CRYBG1: variants seen among roughly 807,000 people sequenced by gnomAD.
The protein encoded by CRYBG1 is crystallin beta-gamma domain containing 1, also known as beta/gamma crystallin domain-containing protein 1.
CRYBG1 carries 139 observed loss-of-function variants against 189.2 expected under a neutral mutation model. That is an observed-to-expected ratio of 0.73 (90% CI 0.64 to 0.85). CRYBG1 has a LOEUF of 0.85. Ranked by LOEUF, CRYBG1 falls within the 40% of genes least tolerant of loss-of-function variation. The pLI is 0.00. For missense variants in CRYBG1, 2,611 were observed against 2,675.8 expected (o/e 0.98, Z 0.53); for synonymous variants, 1,023 against 1,017.1 (o/e 1.01, Z -0.11).
chr6:106,457,094 T>G (rs894659881), intron 2 of CRYBG1: 1 of 152,226 alleles, frequency 6.6e-6, no homozygotes, highest in Non-Finnish European at 1.5e-5. Flanking sequence ...TATTTTCTGT[T>G]GCTTATTAAA....
chr6:106,432,340 T>C (rs546190900), intron 1 of CRYBG1, among the ~76,000 whole-genome samples: 1 of 152,320 alleles, frequency 6.6e-6, no homozygotes, highest in South Asian at 2.1e-4. Context: ...TGCAATACAA[T>C]AAGATTATAT....
chr6:106,563,682 C>A, intron 20 of CRYBG1, 82 bp from the exon 21 acceptor site: 1 of 1,419,352 alleles, frequency 7.0e-7, no homozygotes, highest in Non-Finnish European at 9.6e-7. Flanking sequence ...AATTTTAAAG[C>A]CCAATGTAAC....
In CRYBG1 at chr6:106,520,378, C is replaced by T; in HGVS notation, c.3170C>T (p.Pro1057Leu). The T allele has an allele frequency of 6.2e-7, 1 of 1,614,094 alleles. No homozygotes were observed. The highest frequency in any genetic ancestry group is 8.5e-7 in the Non-Finnish European group (1 of 1,180,014). The change falls in exon 4 of 22, where the codon CCC becomes CTC. Residue 1057 changes from proline (P) to leucine (L), a missense_variant. Physicochemically the swap from Pro to Leu is moderately conservative, Grantham distance 98. Transcript: ENST00000633556. ...ACACCCCTGATGGCTGAATCCAGTC[C>T]CACCAACTCTCCCAGCAGCGGAAAT... ...SRTPLMAESS[P>L]TNSPSSGNHL...
At chr6:106,485,098 A>T (rs1314217066) in intron 2 of CRYBG1, among the ~76,000 whole-genome samples, 1 of 152,222 alleles carries the variant, frequency 6.6e-6, no homozygotes, top group Non-Finnish European at 1.5e-5. Flanking sequence ...TGCCCATTTT[A>T]ACAATATTAT....
intron 1 of CRYBG1, among the ~76,000 whole-genome samples, chr6:106,424,088 T>C (rs1455829586): frequency 6.6e-6 from 1 of 152,190 alleles, no homozygotes; most frequent in African/African-American, 2.4e-5. Context: ...AAGCAAAGGA[T>C]TGTTTGCATT....
At chr6:106,432,105 CTT>C (rs1321910170) in intron 1 of CRYBG1, among the ~76,000 whole-genome samples, 1 of 152,164 alleles carries the variant, frequency 6.6e-6, no homozygotes, top group Admixed American at 6.5e-5. Context: ...CAAAATGCCT[CTT>C]GTCTGTTGAA....
intron 2 of CRYBG1, among the ~76,000 whole-genome samples, chr6:106,460,636 G>C (rs955367869): frequency 2.6e-5 from 4 of 152,082 alleles, no homozygotes; most frequent in Non-Finnish European, 4.4e-5. Flanking sequence ...CCAGAGATGG[G>C]GAGCAGGAGT....
rs57110282 is a variant in CRYBG1 at position 106,511,145 on chromosome 6, T to A, written c.313-285T>A. On this transcript the variant is annotated intron_variant, in intron 2 of 21. Coordinates refer to ENST00000633556, the MANE Select transcript of CRYBG1 (RefSeq NM_001371242.2). ...AGGGCAAGGAACTATTTATTTTGTA[T>A]ATGTGATTATTTGGACCGTTCAAAT... Among the ~76,000 whole-genome samples the A allele has an allele frequency of 0.011, 1,630 of 152,288 alleles. 114 individuals carry two copies. The East Asian group carries it at 0.2, about 19-fold the overall frequency.
intron 1 of CRYBG1, among the ~76,000 whole-genome samples, chr6:106,438,362 G>A (rs990950955): frequency 5.3e-5 from 8 of 152,180 alleles, no homozygotes; most frequent in Non-Finnish European, 8.8e-5. Flanking sequence ...ACAAGTTGCC[G>A]TAAACATGGT....
intron 2 of CRYBG1, among the ~76,000 whole-genome samples, chr6:106,506,911 A>G (rs748142212): frequency 6.6e-6 from 1 of 152,222 alleles, no homozygotes; most frequent in African/African-American, 2.4e-5. Flanking sequence ...TAAGCAAGGA[A>G]AAAAAGAAAA....
At chr6:106,433,656 C>T (rs147260871) in intron 1 of CRYBG1, among the ~76,000 whole-genome samples, 238 of 147,736 alleles carry the variant, frequency 1.6e-3, no homozygotes, top group African/African-American at 5.8e-3. Flanking sequence ...ATTTACAGTC[C>T]ATTTGAAGGA....
intron 3 of CRYBG1, 45 bp downstream of exon 3, chr6:106,513,084 T>C (rs768903708): frequency 2.6e-6 from 4 of 1,564,414 alleles, no homozygotes; most frequent in Admixed American, 1.8e-5. Flanking sequence ...TCCGCACACG[T>C]GCTGGGGGTC....
intron 1 of CRYBG1, among the ~76,000 whole-genome samples, chr6:106,385,991 C>CAA (rs1770381080): frequency 1.3e-5 from 2 of 152,094 alleles, no homozygotes; most frequent in Admixed American, 1.3e-4. Context: ...CAAAACAAAA[C>CAA]AACAACAACA....
chr6:106,568,188 T>C (rs1166241482), intron 21 of CRYBG1, among the ~76,000 whole-genome samples: 6 of 152,234 alleles, frequency 3.9e-5, no homozygotes, highest in Non-Finnish European at 7.3e-5. Flanking sequence ...GACTGTGGAC[T>C]AGCTCTTAAG....
chr6:106,544,467 T>C, intron 11 of CRYBG1, 104 bp from the exon 12 acceptor site: 1 of 1,352,318 alleles, frequency 7.4e-7, no homozygotes, highest in East Asian at 2.4e-5. Context: ...GAAGGTCATG[T>C]CTAGCTTTAT....
chr6:106,559,167 C>T (rs1211120247), intron 18 of CRYBG1, among the ~76,000 whole-genome samples: 3 of 152,112 alleles, frequency 2.0e-5, no homozygotes, highest in Non-Finnish European at 4.4e-5. Context: ...GTCTTTAACA[C>T]CTCTCATAGT....
intron 1 of CRYBG1, among the ~76,000 whole-genome samples, chr6:106,418,220 G>A (rs796611341): frequency 5.3e-5 from 8 of 152,364 alleles, no homozygotes; most frequent in African/African-American, 1.7e-4. Flanking sequence ...GCTTTTATGA[G>A]CTTAGAATAG....
intron 16 of CRYBG1, among the ~76,000 whole-genome samples, chr6:106,554,351 T>A (rs1321705665): frequency 6.6e-6 from 1 of 152,202 alleles, no homozygotes; most frequent in African/African-American, 2.4e-5. Context: ...CAGTGGCTCC[T>A]GCCTGTAATC....
At chr6:106,545,079 CATG>C (rs1322593560) in intron 13 of CRYBG1, 146 bp downstream of exon 13, 1 of 675,900 alleles carries the variant, frequency 1.5e-6, no homozygotes, top group East Asian at 2.9e-5. Flanking sequence ...TAGTTGCTGT[CATG>C]ATATTTTCGT....
Sources: allele counts gnomAD v4.1 joint callset (sites outside exome capture counted in the v4.1 genomes callset), GRCh38; gene constraint gnomAD v4.1.1; transcripts MANE v1.5; gene names NCBI Gene and HGNC (gene_info 2026-07-23, HGNC 2026-07-21).